GFOD1: variants seen among roughly 807,000 people sequenced by gnomAD.
The protein encoded by GFOD1 is Gfo/Idh/MocA-like oxidoreductase domain containing 1.
A neutral mutation model predicts 25.4 loss-of-function variants in GFOD1; 9 were observed. The observed-to-expected ratio is 0.35, with a 90% CI of 0.21 to 0.62. GFOD1 has a LOEUF of 0.62. GFOD1 is among the 20% of genes least tolerant of loss of function. The pLI, the probability that GFOD1 is intolerant of heterozygous loss-of-function variation, is 0.72. For synonymous variants in GFOD1, 253 were observed against 245.6 expected, an observed-to-expected ratio of 1.03 and a Z score of -0.28; for missense variants, 403 against 556.9, an observed-to-expected ratio of 0.72 and a Z score of 2.78.
At chr6:13,396,418 G>A (rs972018464) in intron 1 of GFOD1, among the ~76,000 whole-genome samples, 15 of 152,220 alleles carry the variant, frequency 9.9e-5, no homozygotes, top group Admixed American at 4.6e-4. Context: ...GTTACAGAGA[G>A]CTGTGCCCAT....
At chr6:13,423,072 C>T (rs982431968) in intron 1 of GFOD1, among the ~76,000 whole-genome samples, 1 of 152,176 alleles carries the variant, frequency 6.6e-6, no homozygotes, top group Admixed American at 6.5e-5. Flanking sequence ...GTGGCAGAGA[C>T]ACCCCCTTGC....
chr6:13,472,615 C>G (rs541940671), intron 1 of GFOD1, among the ~76,000 whole-genome samples: 1 of 152,296 alleles, frequency 6.6e-6, no homozygotes, highest in African/African-American at 2.4e-5. Context: ...GATTCAACCC[C>G]GGGCAGTGCC....
chr6:13,375,111 A>C (rs1374102070), intron 1 of GFOD1, among the ~76,000 whole-genome samples: 1 of 152,106 alleles, frequency 6.6e-6, no homozygotes, highest in Non-Finnish European at 1.5e-5. Flanking sequence ...AGCTATTTGA[A>C]AATATACAAT....
intron 1 of GFOD1, among the ~76,000 whole-genome samples, chr6:13,473,492 C>G (rs1342790636): frequency 6.6e-6 from 1 of 152,234 alleles, no homozygotes; most frequent in African/African-American, 2.4e-5. Context: ...TTGACTGACC[C>G]CAGAGCTCTG....
chr6:13,412,559 T>A lies in GFOD1; in HGVS notation c.254-46897A>T, dbSNP rs183497548. Among the ~76,000 whole-genome samples, 326 of 152,368 alleles carry A rather than the reference T, an allele frequency of 2.1e-3. 1 individual carries two copies. Among genetic ancestry groups the A allele is most frequent in the Non-Finnish European group, 3.9e-3 (262 of 68,036 alleles). On this transcript the variant is annotated intron_variant, in intron 1 of 1. Coordinates refer to ENST00000379287, the MANE Select transcript of GFOD1 (RefSeq NM_018988.4). ...AACCAGTGTGGAAGCAGAGCCAACA[T>A]CACTTCTGGTTGGCAGTATCAGTTA...
At chr6:13,369,011 C>T (rs1252767378) in intron 1 of GFOD1, among the ~76,000 whole-genome samples, 1 of 152,162 alleles carries the variant, frequency 6.6e-6, no homozygotes, top group East Asian at 1.9e-4. Flanking sequence ...AATTGTGGTG[C>T]CCTCTTTTTA....
chr6:13,486,015 A>G (rs1758856888), intron 1 of GFOD1: 2 of 985,334 alleles, frequency 2.0e-6, no homozygotes, highest in African/African-American at 1.7e-5. Context: ...CCTTGCCTCC[A>G]GCGCAGACGA....
At chr6:13,435,740 T>C (rs1384785322) in intron 1 of GFOD1, among the ~76,000 whole-genome samples, 2 of 152,216 alleles carry the variant, frequency 1.3e-5, no homozygotes, top group Admixed American at 6.5e-5. Flanking sequence ...GGGCCCTAAG[T>C]AACAGGCTAG....
chr6:13,378,547 A>G (rs1054540802), intron 1 of GFOD1, among the ~76,000 whole-genome samples: 2 of 152,200 alleles, frequency 1.3e-5, no homozygotes, highest in African/African-American at 4.8e-5. Flanking sequence ...GACAACTGAA[A>G]GATTATTATC....
chr6:13,485,269 T>C (rs1052097976), intron 1 of GFOD1, among the ~76,000 whole-genome samples: 1 of 152,240 alleles, frequency 6.6e-6, no homozygotes, highest in African/African-American at 2.4e-5. Context: ...ATTCTGTTCA[T>C]AGCTCTTCGA....
intron 1 of GFOD1, among the ~76,000 whole-genome samples, chr6:13,419,264 C>G (rs1389888521): frequency 6.6e-6 from 1 of 152,146 alleles, no homozygotes; most frequent in African/African-American, 2.4e-5. Context: ...ATCAAGATTC[C>G]AAAGAGGGAA....
intron 1 of GFOD1, among the ~76,000 whole-genome samples, chr6:13,413,902 G>C (rs1786120941): frequency 6.6e-6 from 1 of 152,236 alleles, no homozygotes; most frequent in South Asian, 2.1e-4. Context: ...ATGCAGCACA[G>C]AGATGCCTGA....
At chr6:13,479,460 G>C (rs1404108076) in intron 1 of GFOD1, among the ~76,000 whole-genome samples, 1 of 152,146 alleles carries the variant, frequency 6.6e-6, no homozygotes, top group Non-Finnish European at 1.5e-5. Flanking sequence ...GTGTTATGAA[G>C]CACAACATCT....
At chr6:13,453,961 G>A (rs1384744839) in intron 1 of GFOD1, among the ~76,000 whole-genome samples, 1 of 152,212 alleles carries the variant, frequency 6.6e-6, no homozygotes, top group Non-Finnish European at 1.5e-5. Context: ...CAGTACCTGT[G>A]AATGTGACCT....
chr6:13,486,213 G>T, intron 1 of GFOD1: 3 of 950,442 alleles, frequency 3.2e-6, no homozygotes, highest in Non-Finnish European at 3.8e-6. Flanking sequence ...CCTCTCCCAG[G>T]CGCGCGCGCG....
At chr6:13,374,179 C>T (rs1785204475) in intron 1 of GFOD1, among the ~76,000 whole-genome samples, 1 of 151,952 alleles carries the variant, frequency 6.6e-6, no homozygotes, top group South Asian at 2.1e-4. Flanking sequence ...CCTCTGATTC[C>T]ACAACTCGAT....
At chr6:13,449,301 A>G (rs917772879) in intron 1 of GFOD1, among the ~76,000 whole-genome samples, 1 of 152,152 alleles carries the variant, frequency 6.6e-6, no homozygotes, top group African/African-American at 2.4e-5. Flanking sequence ...AAAGAAAAAC[A>G]AAGAACAGCC....
At chr6:13,439,041 T>C (rs1166441375) in intron 1 of GFOD1, among the ~76,000 whole-genome samples, 3 of 79,698 alleles carry the variant, frequency 3.8e-5, no homozygotes, top group African/African-American at 1.2e-4. Flanking sequence ...ATTTCATGTC[T>C]AGAAACATCC....
At chr6:13,407,310 A>C (rs1471692926) in intron 1 of GFOD1, among the ~76,000 whole-genome samples, 2 of 152,206 alleles carry the variant, frequency 1.3e-5, no homozygotes, top group African/African-American at 4.8e-5. Context: ...ATACCCTTAA[A>C]ATAGATGACC....
Sources: allele counts gnomAD v4.1 joint callset (sites outside exome capture counted in the v4.1 genomes callset), GRCh38; gene constraint gnomAD v4.1.1; transcripts MANE v1.5; gene names NCBI Gene and HGNC (gene_info 2026-07-23, HGNC 2026-07-21).